Variants in TBL1X observed in about 807,000 individuals in gnomAD.
TBL1X encodes the protein transducin beta like 1 X-linked.
In TBL1X, 10 loss-of-function variants were observed where a neutral mutation model predicts 50.7. The ratio of observed to expected loss-of-function variants is 0.20; its 90% CI spans 0.12 to 0.33. The LOEUF (loss-of-function observed/expected upper bound fraction) is 0.33. Ranked by LOEUF, TBL1X falls within the 10% of genes least tolerant of loss-of-function variation. The pLI, the probability that TBL1X is intolerant of heterozygous loss-of-function variation, is 1.00. For synonymous variants in TBL1X, 190 were observed against 214.7 expected, an observed-to-expected ratio of 0.88 and a Z score of 1.01; for missense variants, 340 against 504.4, an observed-to-expected ratio of 0.67 and a Z score of 3.12.
At chrX:9,694,595 CTG>C (rs1391253813) in intron 11 of TBL1X, among the ~76,000 whole-genome samples, 1 of 111,751 alleles carries the variant, frequency 8.9e-6, no homozygotes, top group African/African-American at 3.3e-5. Flanking sequence ...GAGTGAGACT[CTG>C]TCTCAAAACA....
chrX:9,716,577 A>C lies in TBL1X; in HGVS notation c.*331A>C. 6.2e-6 allele frequency: 1 copy of C among 161,079 alleles called. No individual in the cohort carries two copies. The highest frequency in any genetic ancestry group is 1.2e-5 in the Non-Finnish European group (1 of 84,815). 13.3% of individuals were successfully genotyped at this position (161,079 alleles called of 1,213,427 possible). On this transcript the variant is annotated 3_prime_UTR_variant, in exon 18 of 18. Transcript: ENST00000645353. The stretch of plus-strand genomic sequence containing the variant: ...GGCTCTGTGATGGCTGAATGGAAAG[A>C]AACGTAAAAAGCTGTGCCAAAAAAA...
At chrX:9,683,668 T>C (rs2083039040) in intron 5 of TBL1X, among the ~76,000 whole-genome samples, 1 of 111,459 alleles carries the variant, frequency 9.0e-6, no homozygotes, top group Admixed American at 9.5e-5. Context: ...TGCACAGTCT[T>C]ACGAACCACG....
At position 9,688,067 on chromosome X, in the gene TBL1X, C is replaced by T. The variant is rs370089761; in HGVS notation, c.408C>T (p.Asp136=). The stretch of plus-strand genomic sequence containing the variant: ...CCATAGAGTCCCTGTCACTGATAGA[C>T]GCCGTGATGCCCGACGTGGTGCAGA... ...GRPIESLSLI[D]AVMPDVVQTR... Residue 136 remains aspartate, a synonymous_variant, in exon 7 of 18, where the codon GAC becomes GAT. Transcript: ENST00000645353. The T allele has an allele frequency of 1.1e-5, 13 of 1,209,502 alleles. No homozygotes were observed. Among genetic ancestry groups the T allele is most frequent in the African/African-American group, 8.7e-5 (5 of 57,297 alleles).
rs377482469 is a variant in TBL1X, at chrX:9,711,628, C to T, written c.1457C>T (p.Thr486Met). Residue 486 changes from threonine to methionine, a missense_variant, in exon 16 of 18, where the codon ACG (threonine) becomes ATG (methionine). Transcript: ENST00000645353. The part of the protein sequence containing the change: ...IMLASASFDS[T>M]VRLWDIERGV... Reference sequence around the variant, plus strand: ...CTTGCTAGTGCTTCGTTTGATTCTACGGTGCGACTGTGGGACATAGAACGA... The same window carrying T: ...CTTGCTAGTGCTTCGTTTGATTCTATGGTGCGACTGTGGGACATAGAACGA... The T allele has an allele frequency of 5.0e-6, 6 of 1,194,616 alleles. No homozygotes were observed. The African/African-American group carries it at 5.3e-5, about 11-fold the overall frequency.
rs780915095 is a variant in TBL1X at position 9,672,773 on chromosome X, T to A, written c.212-11270T>A. On this transcript the variant is annotated intron_variant, in intron 5 of 17. Coordinates refer to ENST00000645353, the MANE Select transcript of TBL1X (RefSeq NM_005647.4). ...CTCTTTAATGTAAACCCACACTTGG[T>A]ACCATCACCATTTCCCTACCACAGT... Among the ~76,000 whole-genome samples the A allele has an allele frequency of 6.2e-5, 7 of 112,481 alleles. No homozygotes were observed. In the South Asian group the frequency reaches 2.2e-3, roughly 36 times the overall value.
chrX:9,666,600 T>C (rs1168984047), intron 5 of TBL1X, among the ~76,000 whole-genome samples: 1 of 112,195 alleles, frequency 8.9e-6, no homozygotes, highest in African/African-American at 3.2e-5. Context: ...CTAGATGCTT[T>C]AAGCCCATAA....
At chrX:9,680,986 G>C (rs984550767) in intron 5 of TBL1X, among the ~76,000 whole-genome samples, 1 of 112,639 alleles carries the variant, frequency 8.9e-6, no homozygotes, top group African/African-American at 3.2e-5. Context: ...TTTGTTCCAA[G>C]AAGACTTAAT....
At chrX:9,612,805 C>T (rs1307758836) in intron 2 of TBL1X, among the ~76,000 whole-genome samples, 3 of 110,588 alleles carry the variant, frequency 2.7e-5, no homozygotes, top group Non-Finnish European at 5.7e-5. Flanking sequence ...CTCATGTACT[C>T]CATAAATATA....
chrX:9,593,124 G>C (rs961047031), intron 2 of TBL1X, among the ~76,000 whole-genome samples: 1 of 111,417 alleles, frequency 9.0e-6, no homozygotes, highest in African/African-American at 3.3e-5. Context: ...ACCTGGGGTC[G>C]GGCGCGGTGG....
chrX:9,479,937 A>AGTGTGTGTGTGTGTGTGT (rs1353868118), intron 1 of TBL1X, among the ~76,000 whole-genome samples: 91 of 37,894 alleles, frequency 2.4e-3, no homozygotes, highest in African/African-American at 6.4e-3. Flanking sequence ...AGGAAAGTAG[A>AGTGTGTGTGTGTGTGTGT]ATGTGTGTGT....
chrX:9,559,249 T>G (rs2082314154), intron 2 of TBL1X, among the ~76,000 whole-genome samples: 1 of 112,069 alleles, frequency 8.9e-6, no homozygotes, highest in South Asian at 3.7e-4. Flanking sequence ...GATCTTCTCT[T>G]GGCCCCAGTT....
Position 9,684,122 on chromosome X carries a change from G to A in TBL1X, c.291G>A (p.Pro97=), listed in dbSNP as rs1039220228. ...QSNINGTLVP[P]AALISILQKG... The stretch of plus-strand genomic sequence containing the variant: ...ACATCAATGGGACGCTAGTGCCACC[G>A]GCCGCCCTCATCTCCATTCTCCAGA... Residue 97 remains proline, a synonymous_variant, in exon 6 of 18, where the codon CCG becomes CCA. Transcript: ENST00000645353. 6 of 1,211,577 alleles carry A rather than the reference G, an allele frequency of 5.0e-6. No individual in the cohort carries two copies. The highest frequency in any genetic ancestry group is 3.5e-5 in the South Asian group (2 of 56,970).
intron 5 of TBL1X, among the ~76,000 whole-genome samples, chrX:9,677,487 G>A (rs950896049): frequency 1.9e-4 from 21 of 109,778 alleles, no homozygotes; most frequent in Admixed American, 4.9e-4. Context: ...TTTTGCAGGC[G>A]TGCCAAAATC....
chrX:9,694,663 A>G (rs1331775913), intron 11 of TBL1X, among the ~76,000 whole-genome samples: 1 of 111,886 alleles, frequency 8.9e-6, no homozygotes, highest in African/African-American at 3.3e-5. Context: ...TGTTCTTTCT[A>G]GTTCTGAAAG....
intron 1 of TBL1X, among the ~76,000 whole-genome samples, chrX:9,494,766 T>G (rs1228881571): frequency 8.9e-6 from 1 of 111,826 alleles, no homozygotes; most frequent in Non-Finnish European, 1.9e-5. Context: ...TGTTAAAATC[T>G]ATTTGGTTCA....
intron 2 of TBL1X, among the ~76,000 whole-genome samples, chrX:9,607,821 T>A (rs1241932050): frequency 9.0e-6 from 1 of 110,895 alleles, no homozygotes; most frequent in African/African-American, 3.3e-5. Flanking sequence ...ATTTATTTAT[T>A]TATTTATTTG....
chrX:9,508,407 A>G (rs542305308), intron 2 of TBL1X, among the ~76,000 whole-genome samples: 1 of 112,408 alleles, frequency 8.9e-6, no homozygotes, highest in East Asian at 2.8e-4. Flanking sequence ...CATGCCAGTC[A>G]GATGGCGATT....
intron 1 of TBL1X, among the ~76,000 whole-genome samples, chrX:9,483,237 C>T (rs761671259): frequency 1.8e-5 from 2 of 111,555 alleles, no homozygotes; most frequent in African/African-American, 3.3e-5. Context: ...TCCATGAAGA[C>T]GTAAGGAAGT....
intron 2 of TBL1X, among the ~76,000 whole-genome samples, chrX:9,587,783 A>G (rs1483391154): frequency 9.1e-6 from 1 of 109,737 alleles, no homozygotes; most frequent in Non-Finnish European, 1.9e-5. Context: ...ACACCCACCC[A>G]GTGGCAGTCA....
Sources: allele counts gnomAD v4.1 joint callset (sites outside exome capture counted in the v4.1 genomes callset), GRCh38; gene constraint gnomAD v4.1.1; transcripts MANE v1.5; gene names NCBI Gene and HGNC (gene_info 2026-07-23, HGNC 2026-07-21).